Variants in TTN observed in about 807,000 individuals in gnomAD.
TTN encodes the protein titin.
TTN carries 1,525 observed loss-of-function variants against 3,223.0 expected under a neutral mutation model. The observed-to-expected ratio is 0.47, with a 90% CI of 0.45 to 0.49. The LOEUF (loss-of-function observed/expected upper bound fraction) is 0.49, where lower values mean the gene tolerates loss of function less well. Ranked by LOEUF, TTN falls within the 20% of genes least tolerant of loss-of-function variation. The pLI is 0.00. For missense variants in TTN, 40,786 were observed against 43,424.0 expected (o/e 0.94, Z 5.40); for synonymous variants, 14,094 against 15,161.0 (o/e 0.93, Z 5.17).
chr2:178,677,501 T>G, intron 146 of TTN, 120 bp downstream of exon 146: 1 of 1,063,504 alleles, frequency 9.4e-7, no homozygotes, highest in Non-Finnish European at 1.3e-6. Flanking sequence ...TTTTCTAAGA[T>G]TTAGGTGGTC....
Position 178,620,011 on chromosome 2 carries a change from G to A in TTN, c.46406C>T (p.Ser15469Phe), listed in dbSNP as rs376373678. 3.8e-5 allele frequency: 61 copies of A among 1,610,640 alleles called. No homozygotes were observed. The highest frequency in any genetic ancestry group is 4.6e-5 in the Non-Finnish European group (54 of 1,178,520). Residue 15469 changes from serine (S) to phenylalanine (F), a missense_variant, in exon 249 of 363, where the codon TCT becomes TTT. Transcript: ENST00000589042. ...EYACGVEDRK[S>F]RARLFVEEIP... is the part of the protein sequence containing the mutation. Reference sequence around the variant, plus strand: ...ACCTTCCACAAAAAGTCTAGCACGAGACTTCCTGTCTTCTACCCCGCAAGC... The same window carrying A: ...ACCTTCCACAAAAAGTCTAGCACGAAACTTCCTGTCTTCTACCCCGCAAGC...
In TTN at chr2:178,576,942, G is replaced by A. The variant is rs727504692; in HGVS notation, c.69393C>T (p.Val23131=). ...ACATACCAAATCTGTCTACCATTTT[G>A]ACAGGTTCAGACTGTACAGGTTCTC... is the stretch of plus-strand genomic sequence containing the variant. ...GKGEPVQSEP[V]KMVDRFGPPG... is the part of the protein sequence containing the mutation. Residue 23131 remains valine (V), a synonymous_variant, in exon 324 of 363, where the codon GTC becomes GTT. Coordinates refer to ENST00000589042, the MANE Select transcript of TTN (RefSeq NM_001267550.2). The surrounding 1 kb of genome is among the most constrained non-coding windows in gnomAD (Gnocchi z 4.3). The A allele has an allele frequency of 6.8e-6, 11 of 1,610,666 alleles. No homozygotes were observed. The Admixed American group carries it at 1.7e-4, about 25-fold the overall frequency.
In TTN at chr2:178,664,466, C is replaced by T. The variant is rs756200403; in HGVS notation, c.36274G>A (p.Val12092Ile). The T allele has an allele frequency of 6.2e-7, 1 of 1,608,656 alleles. No homozygotes were observed. The highest frequency in any genetic ancestry group is 1.7e-5 in the Admixed American group (1 of 59,882). ...AAGACAGTTAAGAATGTACCTTTGA[C>T]AGGTACAACTTCAGCCCTTTGGGGA... is the stretch of plus-strand genomic sequence containing the variant. The part of the protein sequence containing the change: ...HPPQRAEVVP[V>I]KVHEAPKEII... The change falls in exon 168 of 363, where the codon GTC (valine) becomes ATC (isoleucine). Residue 12092 changes from valine to isoleucine, a missense_variant. Physicochemically the swap from Val to Ile is conservative, Grantham distance 29. Coordinates refer to ENST00000589042, the MANE Select transcript of TTN (RefSeq NM_001267550.2).
chr2:178,744,332 T>C lies in TTN; in HGVS notation c.11312-2411A>G, dbSNP rs953716637. The C allele has an allele frequency of 6.2e-6, 6 of 964,360 alleles. No homozygotes were observed. The African/African-American group carries it at 1.1e-4, about 17-fold the overall frequency. 59.7% of individuals were successfully genotyped at this position (964,360 alleles called of 1,614,324 possible). On this transcript the variant is annotated intron_variant, in intron 47 of 362. Transcript: ENST00000589042. ...TAAATTGTATTAAGAATAATTACTATTAGCTTAACACAGAATTGTATTGTT... is the reference window on the plus strand; with the variant it reads ...TAAATTGTATTAAGAATAATTACTACTAGCTTAACACAGAATTGTATTGTT...
intron 359 of TTN, 49 bp downstream of exon 359, chr2:178,529,911 C>G: frequency 6.5e-7 from 1 of 1,546,646 alleles, no homozygotes; most frequent in Non-Finnish European, 8.7e-7. Flanking sequence ...AAATATTTCC[C>G]TAATATTATC....
chr2:178,622,560 AGTG>A (rs1189814346), intron 243 of TTN, 107 bp downstream of exon 243: 26 of 755,842 alleles, frequency 3.4e-5, no homozygotes, highest in East Asian at 1.6e-4. Context: ...TTAAAAGTAA[AGTG>A]GTGACCAGAG....
At position 178,624,746 on chromosome 2, in the gene TTN, C is replaced by A; in HGVS notation, c.44549-15G>T. The A allele has an allele frequency of 6.2e-7, 1 of 1,610,760 alleles. No homozygotes were observed. Among genetic ancestry groups the A allele is most frequent in the Non-Finnish European group, 8.5e-7 (1 of 1,178,528 alleles). On this transcript the variant is annotated splice_polypyrimidine_tract_variant and intron_variant, in intron 241 of 362. Transcript: ENST00000589042. The stretch of plus-strand genomic sequence containing the variant: ...AACTGGGGGTTCTGAAAGAATCATA[C>A]TCATTAGCCAAGGTACTCCTTTCCT...
rs373881831 is a variant in TTN at position 178,635,269 on chromosome 2, C to T, written c.41920G>A (p.Val13974Ile). 54 of 1,613,162 alleles carry T rather than the reference C, an allele frequency of 3.3e-5. 1 individual carries two copies. Among genetic ancestry groups the T allele is most frequent in the African/African-American group, 4.0e-5 (3 of 74,870 alleles). ...EVELLKPIEDVTIYEKESASF... is the reference protein window; with the variant it reads ...EVELLKPIEDITIYEKESASF... Reference sequence around the variant, plus strand: ...GCACTTTCTTTCTCATAAATGGTAACGTCCTCTATTGGTTTAAGCAGTTCA... The same window carrying T: ...GCACTTTCTTTCTCATAAATGGTAATGTCCTCTATTGGTTTAAGCAGTTCA... Residue 13974 changes from valine to isoleucine, a missense_variant, in exon 228 of 363, where the codon GTT (valine) becomes ATT (isoleucine). Coordinates refer to ENST00000589042, the MANE Select transcript of TTN (RefSeq NM_001267550.2).
chr2:178,610,051 A>C, intron 271 of TTN, 39 bp downstream of exon 271: 1 of 1,611,730 alleles, frequency 6.2e-7, no homozygotes, highest in Non-Finnish European at 8.5e-7. Flanking sequence ...ACTATGGTTT[A>C]TTAGTTCTTA....
rs1480810435 is a variant in TTN at position 178,534,322 on chromosome 2, A to G, written c.102293T>C (p.Ile34098Thr). 6.2e-7 allele frequency: 1 copy of G among 1,613,324 alleles called. No individual in the cohort carries two copies. Among genetic ancestry groups the G allele is most frequent in the Non-Finnish European group, 8.5e-7 (1 of 1,179,826 alleles). The change falls in exon 358 of 363, where the codon ATC becomes ACC. Residue 34098 changes from isoleucine to threonine, a missense_variant. Coordinates refer to ENST00000589042, the MANE Select transcript of TTN (RefSeq NM_001267550.2). ...CACAACCATGTTGAGGTCTTTCTTG[A>G]TCAGGGTGTGGTAATAACGCCGGTG... ...LKHRRYYHTL[I>T]KKDLNMVVSA...
chr2:178,751,603 T>A, intron 47 of TTN: 1 of 1,613,288 alleles, frequency 6.2e-7, no homozygotes. Flanking sequence ...CTTGCCCTTT[T>A]TGGATAACAA....
Position 178,576,190 on chromosome 2 carries a change from G to T in TTN, c.69942C>A (p.Phe23314Leu). 1 of 1,612,952 alleles carries T rather than the reference G, an allele frequency of 6.2e-7. No homozygotes were observed. The highest frequency in any genetic ancestry group is 2.2e-5 in the East Asian group (1 of 44,744). ...PDLQTKEKYN[F>L]RISAINDAGV... ...CTGCATCGTTGATGGCACTGATTCTGAAGTTGTATTTTTCTTTAGTCTGAA... is the reference window on the plus strand; with the variant it reads ...CTGCATCGTTGATGGCACTGATTCTTAAGTTGTATTTTTCTTTAGTCTGAA... The change falls in exon 326 of 363, where the codon TTC becomes TTA. Residue 23314 changes from phenylalanine to leucine, a missense_variant. Phe to Leu is a conservative substitution (Grantham distance 22). Transcript: ENST00000589042. This position sits in a 1 kb window ranked among gnomAD's most constrained non-coding sequence, Gnocchi z 4.3.
At position 178,530,811 on chromosome 2, in the gene TTN, C is replaced by T; in HGVS notation, c.105804G>A (p.Glu35268=). 4 of 1,613,738 alleles carry T rather than the reference C, an allele frequency of 2.5e-6. No homozygotes were observed. Among genetic ancestry groups the T allele is most frequent in the Non-Finnish European group, 3.4e-6 (4 of 1,179,856 alleles). The change falls in exon 358 of 363, where the codon GAG becomes GAA. Residue 35268 remains glutamate, a synonymous_variant. Coordinates refer to ENST00000589042, the MANE Select transcript of TTN (RefSeq NM_001267550.2). ...PSHPKAVSPT[E]TKPTPTEKVQ... is the part of the protein sequence containing the mutation. ...CTTTCTCTGTTGGTGTTGGTTTTGT[C>T]TCTGTGGGTGATACGGCTTTCGGGT... is the stretch of plus-strand genomic sequence containing the variant.
chr2:178,583,990 T>A, intron 311 of TTN, 84 bp from the exon 312 acceptor site: 2 of 1,359,414 alleles, frequency 1.5e-6, no homozygotes, highest in Non-Finnish European at 2.0e-6. Context: ...TCCCTGCTGC[T>A]AAGTAACAAG....
intron 47 of TTN, chr2:178,749,833 A>T (rs1347981469): frequency 1.2e-6 from 2 of 1,613,198 alleles, no homozygotes; most frequent in South Asian, 2.2e-5. Context: ...ACCATGTTAC[A>T]ACTGGCTGGG....
At chr2:178,747,747 G>C in intron 47 of TTN, 8 of 1,611,426 alleles carry the variant, frequency 5.0e-6, no homozygotes, top group Non-Finnish European at 6.8e-6. Flanking sequence ...GGAATATTTT[G>C]AGAAAAACTA....
intron 47 of TTN, chr2:178,746,050 T>C: frequency 6.2e-7 from 1 of 1,613,514 alleles, no homozygotes; most frequent in Non-Finnish European, 8.5e-7. Context: ...TGCACCTGTA[T>C]GTTGCACTAT....
chr2:178,621,592 T>G lies in TTN; in HGVS notation c.45232A>C (p.Ile15078Leu), dbSNP rs756536427. 1 of 1,612,528 alleles carries G rather than the reference T, an allele frequency of 6.2e-7. No homozygotes were observed. Among genetic ancestry groups the G allele is most frequent in the Admixed American group, 1.7e-5 (1 of 59,848 alleles). ...EEIIETGRYE[I>L]LTEGRKRILV... ...ATTCTCTTCCGTCCTTCAGTCAGTA[T>G]TTCATATCTTCCTGTTTCAATGATC... Residue 15078 changes from isoleucine to leucine, a missense_variant, in exon 245 of 363, where the codon ATA (isoleucine) becomes CTA (leucine). Coordinates refer to ENST00000589042, the MANE Select transcript of TTN (RefSeq NM_001267550.2).
intron 218 of TTN, 51 bp downstream of exon 218, chr2:178,644,497 G>C (rs2061630849): frequency 1.3e-5 from 17 of 1,343,180 alleles, no homozygotes; most frequent in Non-Finnish European, 1.6e-5. Context: ...AGAGCAAGGA[G>C]TCAGGTAAAG....
Sources: gnomAD v4.1 joint callset for allele counts on GRCh38, gnomAD v4.1.1 for gene constraint, Gnocchi (gnomAD v3.1) non-coding constraint, MANE v1.5 for transcripts, NCBI Gene and HGNC (gene_info 2026-07-23, HGNC 2026-07-21) for gene names.